The following GNPTAB variants were observed in gnomAD, a reference collection of about 807,000 sequenced individuals.
The protein encoded by GNPTAB is N-acetylglucosamine-1-phosphotransferase subunits alpha/beta.
Under a neutral mutation model 136.6 loss-of-function variants are expected in GNPTAB, and 92 were observed. The ratio of observed to expected loss-of-function variants is 0.67; its 90% confidence interval spans 0.57 to 0.80. GNPTAB has a LOEUF of 0.80. Among genes scored for constraint, GNPTAB ranks in the 30% least tolerant of loss-of-function variants. The pLI, the probability that GNPTAB is intolerant of heterozygous loss-of-function variation, is 0.00. For missense variants in GNPTAB, 1,343 were observed against 1,501.8 expected, an observed-to-expected ratio of 0.89 and a Z score of 1.75; for synonymous variants, 512 against 535.1, an observed-to-expected ratio of 0.96 and a Z score of 0.60.
rs564220897 is a variant in GNPTAB, at chr12:101,810,879, G to C, written c.118-14117C>G. Among the ~76,000 whole-genome samples the C allele has an allele frequency of 8.5e-5, 13 of 152,266 alleles. No homozygotes were observed. In the South Asian group the frequency reaches 2.7e-3, roughly 32 times the overall value. ...AAGAAAGCCTGTCACCAGATGATCT[G>C]GGGGGAGTGCTCTCCTGCTCATGGA... On this transcript the variant is annotated intron_variant, in intron 1 of 20. Coordinates refer to ENST00000299314, the MANE Select transcript of GNPTAB (RefSeq NM_024312.5).
At chr12:101,801,231 C>CAAA (rs35036983) in intron 1 of GNPTAB, among the ~76,000 whole-genome samples, 310 of 12,756 alleles carry the variant, frequency 0.024, 104 homozygotes, top group African/African-American at 0.062. Flanking sequence ...GACCCTGTCT[C>CAAA]AAAAAAAAAA....
At chr12:101,780,959 T>C (rs887288536) in intron 5 of GNPTAB, among the ~76,000 whole-genome samples, 4 of 152,146 alleles carry the variant, frequency 2.6e-5, no homozygotes, top group African/African-American at 7.2e-5. Context: ...AAAGAAAGAA[T>C]TGTTTGACTA....
chr12:101,821,056 TCAAAA>T (rs1870769750), intron 1 of GNPTAB, among the ~76,000 whole-genome samples: 1 of 114,716 alleles, frequency 8.7e-6, no homozygotes, highest in Admixed American at 9.8e-5. Context: ...AGACTCCGTC[TCAAAA>T]AAAAAAAAAA....
intron 4 of GNPTAB, among the ~76,000 whole-genome samples, chr12:101,788,298 G>A (rs1868786233): frequency 6.6e-6 from 1 of 152,212 alleles, no homozygotes; most frequent in African/African-American, 2.4e-5. Flanking sequence ...GAACTAAAGA[G>A]AAGGAAATCT....
chr12:101,809,176 T>C (rs565191398), intron 1 of GNPTAB, among the ~76,000 whole-genome samples: 23 of 152,272 alleles, frequency 1.5e-4, no homozygotes, highest in Non-Finnish European at 2.6e-4. Context: ...TAAACAAGTA[T>C]ATAAAATGAT....
At chr12:101,827,194 A>T (rs777452699) in intron 1 of GNPTAB, among the ~76,000 whole-genome samples, 3 of 151,916 alleles carry the variant, frequency 2.0e-5, no homozygotes, top group Non-Finnish European at 4.4e-5. Flanking sequence ...CAGTGGTGCA[A>T]TCACGGCTCA....
intron 1 of GNPTAB, among the ~76,000 whole-genome samples, chr12:101,823,734 T>C (rs1870933950): frequency 6.6e-6 from 1 of 151,854 alleles, no homozygotes; most frequent in East Asian, 1.9e-4. Context: ...AATCACCATA[T>C]AAGTTAAAGG....
At chr12:101,809,921 T>TA (rs1363641580) in intron 1 of GNPTAB, among the ~76,000 whole-genome samples, 25 of 152,184 alleles carry the variant, frequency 1.6e-4, no homozygotes, top group African/African-American at 7.2e-5. Flanking sequence ...CATTAGTTAA[T>TA]AAAAAATCTA....
Position 101,761,591 on chromosome 12 carries a change from C to T in GNPTAB, c.2888G>A (p.Arg963Gln), listed in dbSNP as rs1426573674. 4.3e-6 allele frequency: 7 copies of T among 1,614,114 alleles called. No homozygotes were observed. Among genetic ancestry groups the T allele is most frequent in the Non-Finnish European group, 5.9e-6 (7 of 1,179,992 alleles). The change falls in exon 14 of 21, where the codon CGG becomes CAG. Residue 963 changes from arginine (R) to glutamine (Q), a missense_variant. Coordinates refer to ENST00000299314, the MANE Select transcript of GNPTAB (RefSeq NM_024312.5). Reference sequence around the variant, plus strand: ...ATCTTGCAGTTCTTGCATAACAATCCGGTCAATCATGTGAGGCATGTGAGC... The same window carrying T: ...ATCTTGCAGTTCTTGCATAACAATCTGGTCAATCATGTGAGGCATGTGAGC... ...VPAHMPHMID[R>Q]IVMQELQDMF...
intron 2 of GNPTAB, among the ~76,000 whole-genome samples, chr12:101,791,555 G>A (rs531984363): frequency 1.3e-5 from 2 of 151,484 alleles, no homozygotes; most frequent in African/African-American, 4.9e-5. Context: ...ATTCAAAGCC[G>A]TCCTTGGCCA....
intron 1 of GNPTAB, among the ~76,000 whole-genome samples, chr12:101,820,076 G>A (rs1374912659): frequency 6.6e-6 from 1 of 152,182 alleles, no homozygotes; most frequent in East Asian, 1.9e-4. Context: ...CCTGAGATGG[G>A]ACAGTTGGCA....
chr12:101,782,303 G>T (rs761334990), intron 5 of GNPTAB, among the ~76,000 whole-genome samples: 1 of 150,402 alleles, frequency 6.6e-6, no homozygotes, highest in Non-Finnish European at 1.5e-5. Flanking sequence ...GAATATATAA[G>T]TTTTTTTTTT....
At chr12:101,802,734 A>G (rs890058314) in intron 1 of GNPTAB, among the ~76,000 whole-genome samples, 13 of 152,208 alleles carry the variant, frequency 8.5e-5, no homozygotes, top group African/African-American at 3.1e-4. Context: ...GTAGCCTTTT[A>G]TTCCATGTTA....
intron 1 of GNPTAB, among the ~76,000 whole-genome samples, chr12:101,809,243 T>G (rs1870096952): frequency 6.6e-6 from 1 of 152,196 alleles, no homozygotes; most frequent in African/African-American, 2.4e-5. Flanking sequence ...AAGATACCAC[T>G]GCACACCTAA....
rs377031116 is a variant in GNPTAB at position 101,787,642 on chromosome 12, C to T, written c.365+906G>A. The stretch of plus-strand genomic sequence containing the variant: ...TAGAAGGCACTTCTGAGGCCGGATG[C>T]GGTGACTCACGCCTGTAATCCAGTA... On this transcript the variant is annotated intron_variant, in intron 4 of 20. Coordinates refer to ENST00000299314, the MANE Select transcript of GNPTAB (RefSeq NM_024312.5). Among the ~76,000 whole-genome samples, 96 of 152,050 alleles carry T rather than the reference C, an allele frequency of 6.3e-4. 2 individuals carry two copies. The South Asian group carries it at 0.012, about 20-fold the overall frequency.
chr12:101,825,949 G>T (rs747360808), intron 1 of GNPTAB, among the ~76,000 whole-genome samples: 24 of 152,140 alleles, frequency 1.6e-4, no homozygotes, highest in Non-Finnish European at 2.8e-4. Flanking sequence ...CAGGCCAGAC[G>T]GTCCCCACTC....
chr12:101,800,202 T>C (rs200745311), intron 1 of GNPTAB, among the ~76,000 whole-genome samples: 29 of 143,398 alleles, frequency 2.0e-4, no homozygotes, highest in Admixed American at 1.7e-3. Flanking sequence ...AAATTATCTT[T>C]GGCCAGGTGT....
At position 101,761,294 on chromosome 12, in the gene GNPTAB, C is replaced by T. The variant is rs1019931994; in HGVS notation, c.2968G>A (p.Asp990Asn). ...AAATAAGAGAAGGCAAACTGCATAT[C>T]CTCAGAATGGCGCACTTTGTGAAAT... is the stretch of plus-strand genomic sequence containing the variant. ...TSFHKVRHSE[D>N]MQFAFSYFYY... The change falls in exon 15 of 21, where the codon GAT becomes AAT. Residue 990 changes from aspartate (D) to asparagine (N), a missense_variant. Transcript: ENST00000299314. The T allele has an allele frequency of 9.9e-6, 16 of 1,614,162 alleles. No homozygotes were observed. Among genetic ancestry groups the T allele is most frequent in the Non-Finnish European group, 1.4e-5 (16 of 1,180,044 alleles).
At chr12:101,799,334 A>G (rs902283512) in intron 1 of GNPTAB, among the ~76,000 whole-genome samples, 1 of 152,260 alleles carries the variant, frequency 6.6e-6, no homozygotes, top group Non-Finnish European at 1.5e-5. Context: ...AAATGTCAAG[A>G]TAACAGGAGA....
Sources: gnomAD v4.1 joint callset for allele counts (sites outside exome capture counted in the v4.1 genomes callset) on GRCh38, gnomAD v4.1.1 for gene constraint, MANE v1.5 for transcripts, NCBI Gene and HGNC (gene_info 2026-07-23, HGNC 2026-07-21) for gene names.